Variants in METTL15 observed in about 807,000 individuals in gnomAD.
METTL15 encodes 12S rRNA N(4)-cytidine methyltransferase METTL15.
In METTL15, 34 loss-of-function variants were observed where a neutral mutation model predicts 38.3. The ratio of observed to expected loss-of-function variants is 0.89; its 90% CI spans 0.68 to 1.18. METTL15 has a LOEUF of 1.18. Among genes scored for constraint, METTL15 ranks in the 50% most tolerant of loss-of-function variants. METTL15 has a pLI of 0.00. For synonymous variants in METTL15, 162 were observed against 170.9 expected (o/e 0.95, Z 0.41); for missense variants, 438 against 498.4 (o/e 0.88, Z 1.15).
intron 3 of METTL15, among the ~76,000 whole-genome samples, chr11:28,167,276 A>G (rs574846763): frequency 2.0e-5 from 3 of 152,166 alleles, no homozygotes; most frequent in Non-Finnish European, 4.4e-5. Flanking sequence ...CAGAAAAGGA[A>G]TTTATTGAAG....
chr11:28,144,764 T>C (rs1476006128), intron 3 of METTL15: 1 of 152,884 alleles, frequency 6.5e-6, no homozygotes, highest in Non-Finnish European at 1.5e-5. Context: ...TTATGTCCTT[T>C]CTTTTGAGTA....
intron 3 of METTL15, among the ~76,000 whole-genome samples, chr11:28,179,805 C>G (rs1260926562): frequency 6.6e-6 from 1 of 151,668 alleles, no homozygotes; most frequent in African/African-American, 2.4e-5. Context: ...ATTATTGATT[C>G]ACTTTAGGAA....
intron 3 of METTL15, among the ~76,000 whole-genome samples, chr11:28,153,217 C>G (rs1249029513): frequency 6.6e-6 from 1 of 152,004 alleles, no homozygotes; most frequent in Non-Finnish European, 1.5e-5. Flanking sequence ...TGTGTCTCAG[C>G]CTTATTTTAC....
intron 3 of METTL15, among the ~76,000 whole-genome samples, chr11:28,171,560 A>G (rs1850858092): frequency 6.6e-6 from 1 of 152,124 alleles, no homozygotes; most frequent in African/African-American, 2.4e-5. Context: ...ATGAGAATGA[A>G]CAGTTTTCTA....
intron 4 of METTL15, among the ~76,000 whole-genome samples, chr11:28,277,381 T>C (rs1253036870): frequency 6.6e-6 from 1 of 152,158 alleles, no homozygotes; most frequent in Non-Finnish European, 1.5e-5. Context: ...GTATGCATAA[T>C]GAAATACTAT....
chr11:28,115,297 TG>T (rs1851892486), intron 3 of METTL15, among the ~76,000 whole-genome samples: 1 of 152,168 alleles, frequency 6.6e-6, no homozygotes, highest in South Asian at 2.1e-4. Flanking sequence ...TTGCTCTTGT[TG>T]CCCAGGCTGG....
intron 6 of METTL15, among the ~76,000 whole-genome samples, chr11:28,492,337 G>A (rs1404793347): frequency 6.6e-6 from 1 of 152,076 alleles, no homozygotes; most frequent in Admixed American, 6.6e-5. Context: ...ACATCTTGTG[G>A]CAGGTGCTTC....
chr11:28,470,891 T>A (rs1320937087), intron 6 of METTL15, among the ~76,000 whole-genome samples: 8 of 152,140 alleles, frequency 5.3e-5, no homozygotes, highest in Admixed American at 5.2e-4. Flanking sequence ...CATTTTAAGA[T>A]AATTTCTTCT....
At chr11:28,430,399 G>A (rs1850909863) in intron 6 of METTL15, among the ~76,000 whole-genome samples, 1 of 70,010 alleles carries the variant, frequency 1.4e-5, no homozygotes, top group African/African-American at 5.2e-5. Flanking sequence ...CGCCCGGCCA[G>A]CCGCCCCGTC....
intron 4 of METTL15, among the ~76,000 whole-genome samples, chr11:28,248,739 T>A (rs1182166184): frequency 6.6e-6 from 1 of 152,004 alleles, no homozygotes; most frequent in Non-Finnish European, 1.5e-5. Flanking sequence ...TTTAATGGTG[T>A]TTTACAATTT....
At chr11:28,341,131 G>A (rs1022930806) in intron 3 of METTL15, among the ~76,000 whole-genome samples, 1 of 152,110 alleles carries the variant, frequency 6.6e-6, no homozygotes, top group East Asian at 1.9e-4. Context: ...GAGAATACAT[G>A]GACACAGGGA....
chr11:28,426,590 T>C (rs1433767961), intron 6 of METTL15, among the ~76,000 whole-genome samples: 1 of 117,328 alleles, frequency 8.5e-6, no homozygotes, highest in Non-Finnish European at 1.7e-5. Context: ...ATCTGTTTTT[T>C]TTTTTTTTTT....
intron 4 of METTL15, among the ~76,000 whole-genome samples, chr11:28,282,127 C>T (rs1035975033): frequency 2.0e-5 from 3 of 152,168 alleles, no homozygotes; most frequent in Non-Finnish European, 2.9e-5. Flanking sequence ...TCTATATACA[C>T]ATTATCTTCT....
intron 3 of METTL15, among the ~76,000 whole-genome samples, chr11:28,173,841 G>C (rs1390186666): frequency 2.0e-5 from 3 of 152,142 alleles, no homozygotes; most frequent in Non-Finnish European, 4.4e-5. Flanking sequence ...TTTGTAGAAT[G>C]CCTCTCTATT....
At chr11:28,216,197 AAAGT>A (rs1436383783) in intron 4 of METTL15, among the ~76,000 whole-genome samples, 1 of 152,154 alleles carries the variant, frequency 6.6e-6, no homozygotes, top group Non-Finnish European at 1.5e-5. Context: ...TTTGAATTAA[AAAGT>A]AAGAGGAAAC....
intron 4 of METTL15, among the ~76,000 whole-genome samples, chr11:28,265,437 A>G (rs1410552266): frequency 6.6e-6 from 1 of 151,934 alleles, no homozygotes; most frequent in Non-Finnish European, 1.5e-5. Flanking sequence ...GAGAAAACGA[A>G]ATTGTCAGTC....
intron 3 of METTL15, among the ~76,000 whole-genome samples, chr11:28,343,005 T>G (rs552246129): frequency 6.6e-5 from 10 of 152,186 alleles, no homozygotes; most frequent in Non-Finnish European, 1.5e-4. Context: ...AGAGAATATG[T>G]CCTCTTCCTG....
At chr11:28,456,851 G>C (rs747425882) in intron 6 of METTL15, among the ~76,000 whole-genome samples, 2 of 152,154 alleles carry the variant, frequency 1.3e-5, no homozygotes, top group Non-Finnish European at 2.9e-5. Context: ...CTAAGCACCA[G>C]ATATGTGGAT....
chr11:28,181,322 T>C (rs917873942), intron 3 of METTL15, among the ~76,000 whole-genome samples: 2 of 150,568 alleles, frequency 1.3e-5, no homozygotes, highest in African/African-American at 2.4e-5. Flanking sequence ...GTTTGTTACA[T>C]AGGTATATAC....
Sources: allele counts gnomAD v4.1 joint callset (sites outside exome capture counted in the v4.1 genomes callset), GRCh38; gene constraint gnomAD v4.1.1; transcripts MANE v1.5; gene names NCBI Gene and HGNC (gene_info 2026-07-23, HGNC 2026-07-21).